The following NREP variants were observed in gnomAD, a reference collection of about 807,000 sequenced individuals.
NREP encodes the protein neuronal regeneration related protein, also known as neuronal regeneration-related protein.
Under a neutral mutation model 8.6 loss-of-function variants are expected in NREP, and 5 were observed. The ratio of observed to expected loss-of-function variants is 0.58; its 90% CI spans 0.30 to 1.22. The LOEUF (loss-of-function observed/expected upper bound fraction) is 1.22. NREP is among the 50% of genes most tolerant of loss of function. The pLI, the probability that NREP is intolerant of heterozygous loss-of-function variation, is 0.07. For missense variants in NREP, 86 were observed against 82.5 expected (o/e 1.04, Z -0.17); for synonymous variants, 27 against 28.0 (o/e 0.96, Z 0.11).
At chr5:111,974,211 T>C (rs900131763) in intron 2 of NREP, among the ~76,000 whole-genome samples, 4 of 152,234 alleles carry the variant, frequency 2.6e-5, no homozygotes, top group Non-Finnish European at 5.9e-5. Context: ...TCAAGCACTT[T>C]AACAGCTAAC....
intron 2 of NREP, among the ~76,000 whole-genome samples, chr5:111,888,810 G>T (rs879643235): frequency 6.6e-6 from 1 of 152,162 alleles, no homozygotes; most frequent in Non-Finnish European, 1.5e-5. Context: ...TCAAATGCTG[G>T]ATTAAACCCT....
At chr5:111,831,509 C>T (rs1049723947) in intron 2 of NREP, among the ~76,000 whole-genome samples, 6 of 152,134 alleles carry the variant, frequency 3.9e-5, no homozygotes, top group Non-Finnish European at 7.3e-5. Context: ...TCTCATCATC[C>T]ACAGGCATCC....
intron 2 of NREP, among the ~76,000 whole-genome samples, chr5:111,773,529 T>C (rs960346670): frequency 1.8e-4 from 28 of 152,224 alleles, no homozygotes; most frequent in African/African-American, 6.8e-4. Context: ...AGGATTTATC[T>C]TTAATAAAAT....
At chr5:111,871,598 T>A (rs897238133) in intron 2 of NREP, among the ~76,000 whole-genome samples, 18 of 152,110 alleles carry the variant, frequency 1.2e-4, no homozygotes, top group Admixed American at 7.9e-4. Flanking sequence ...ATTGTAAGCT[T>A]AAAACACAAA....
intron 2 of NREP, among the ~76,000 whole-genome samples, chr5:111,824,403 G>A (rs1037008088): frequency 6.6e-6 from 1 of 152,108 alleles, no homozygotes; most frequent in Non-Finnish European, 1.5e-5. Context: ...ATATGTTTTA[G>A]AGCCTAACCC....
intron 2 of NREP, among the ~76,000 whole-genome samples, chr5:111,741,886 G>T (rs957757950): frequency 2.0e-5 from 3 of 150,238 alleles, no homozygotes; most frequent in Non-Finnish European, 3.0e-5. Context: ...GGTAACAATG[G>T]GTAATTACAG....
chr5:111,891,458 T>C (rs932387370), intron 2 of NREP, among the ~76,000 whole-genome samples: 48 of 152,228 alleles, frequency 3.2e-4, no homozygotes, highest in Non-Finnish European at 2.8e-4. Flanking sequence ...ACTCTGCCCA[T>C]TACCCAGTTC....
At chr5:111,881,473 G>A (rs1754067315) in intron 2 of NREP, among the ~76,000 whole-genome samples, 1 of 152,176 alleles carries the variant, frequency 6.6e-6, no homozygotes, top group South Asian at 2.1e-4. Context: ...TTTGAAGAGA[G>A]CAGTGGTTCT....
chr5:111,929,173 G>C (rs1262999227), intron 2 of NREP, among the ~76,000 whole-genome samples: 1 of 152,106 alleles, frequency 6.6e-6, no homozygotes, highest in Admixed American at 6.6e-5. Context: ...TTTGCTAGAA[G>C]CTTAACTTTT....
intron 2 of NREP, among the ~76,000 whole-genome samples, chr5:111,779,325 C>A (rs569620396): frequency 6.6e-6 from 1 of 152,128 alleles, no homozygotes; most frequent in Non-Finnish European, 1.5e-5. Context: ...CAGCTCTAGA[C>A]GCCAGTGTGC....
chr5:111,804,068 A>T (rs1329674661), intron 2 of NREP, among the ~76,000 whole-genome samples: 2 of 152,186 alleles, frequency 1.3e-5, no homozygotes, highest in Non-Finnish European at 2.9e-5. Flanking sequence ...GGTCAGGGAA[A>T]GTTTAATGAG....
Position 111,822,143 on chromosome 5 carries a change from A to T in NREP, c.136-86636T>A, listed in dbSNP as rs926301411. On this transcript the variant is annotated intron_variant, in intron 2 of 3. Transcript: ENST00000395634. ...CATTTCAGACCAACCTTCCCATTGA[A>T]AACAACTAAAAAAAGTAGGAAATAT... Among the ~76,000 whole-genome samples the T allele has an allele frequency of 2.0e-5, 3 of 152,190 alleles. No individual in the cohort carries two copies. The East Asian group carries it at 5.8e-4, about 29-fold the overall frequency.
intron 2 of NREP, among the ~76,000 whole-genome samples, chr5:111,838,438 A>G (rs78259846): frequency 0.023 from 3,473 of 152,242 alleles, 51 homozygotes; most frequent in Non-Finnish European, 0.027. Context: ...TAATGTAGGT[A>G]TTGGCTGTGG....
chr5:111,915,258 A>G (rs2112569416), intron 2 of NREP, among the ~76,000 whole-genome samples: 1 of 152,274 alleles, frequency 6.6e-6, no homozygotes, highest in Admixed American at 6.5e-5. Context: ...GCCTCAGGTC[A>G]GGAGAGCTCT....
At chr5:111,884,929 C>A (rs1754198732) in intron 2 of NREP, among the ~76,000 whole-genome samples, 1 of 152,202 alleles carries the variant, frequency 6.6e-6, no homozygotes, top group South Asian at 2.1e-4. Flanking sequence ...CAGGGATGCC[C>A]TCCCTTGCCA....
At chr5:111,966,667 G>A (rs1202533129) in intron 2 of NREP, among the ~76,000 whole-genome samples, 1 of 152,114 alleles carries the variant, frequency 6.6e-6, no homozygotes, top group African/African-American at 2.4e-5. Context: ...GAAAACATGG[G>A]CTTTAAAGGA....
intron 2 of NREP, among the ~76,000 whole-genome samples, chr5:111,914,154 T>C (rs938155278): frequency 6.6e-6 from 1 of 152,138 alleles, no homozygotes; most frequent in Non-Finnish European, 1.5e-5. Flanking sequence ...GAATGTCCAG[T>C]AGGTCTTTAG....
chr5:111,812,553 T>C (rs1752294224), intron 2 of NREP, among the ~76,000 whole-genome samples: 1 of 152,158 alleles, frequency 6.6e-6, no homozygotes, highest in Non-Finnish European at 1.5e-5. Context: ...CAATATATTA[T>C]TAAACAATTT....
At chr5:111,941,383 G>A (rs1755824561) in intron 2 of NREP, among the ~76,000 whole-genome samples, 1 of 152,080 alleles carries the variant, frequency 6.6e-6, no homozygotes, top group Non-Finnish European at 1.5e-5. Context: ...AGTTCTGGAG[G>A]CTACAATTCC....
Sources: gnomAD v4.1 joint callset for allele counts (sites outside exome capture counted in the v4.1 genomes callset) on GRCh38, gnomAD v4.1.1 for gene constraint, MANE v1.5 for transcripts, NCBI Gene and HGNC (gene_info 2026-07-23, HGNC 2026-07-21) for gene names.